CAMTA1: variants seen among roughly 807,000 people sequenced by gnomAD.
CAMTA1 encodes calmodulin-binding transcription activator 1.
CAMTA1 carries 27 observed loss-of-function variants against 170.9 expected under a neutral mutation model. That is an observed-to-expected ratio of 0.16 (90% CI 0.12 to 0.22). The LOEUF (loss-of-function observed/expected upper bound fraction) is 0.22, where lower values mean the gene tolerates loss of function less well. CAMTA1 is among the 10% of genes least tolerant of loss of function. CAMTA1 has a pLI of 1.00. For synonymous variants in CAMTA1, 833 were observed against 891.5 expected (o/e 0.93, Z 1.17); for missense variants, 1,619 against 2,217.2 (o/e 0.73, Z 5.42).
intron 3 of CAMTA1, among the ~76,000 whole-genome samples, chr1:7,008,135 G>A (rs868299234): frequency 1.3e-5 from 2 of 152,214 alleles, no homozygotes; most frequent in Non-Finnish European, 2.9e-5. Flanking sequence ...GGTCGTGGAA[G>A]GGAGGTGGAG....
At chr1:7,453,086 C>A (rs993368306) in intron 5 of CAMTA1, among the ~76,000 whole-genome samples, 2 of 152,248 alleles carry the variant, frequency 1.3e-5, no homozygotes, top group African/African-American at 4.8e-5. Flanking sequence ...AAAGCTGCTG[C>A]TGGGACAGGA....
At chr1:7,241,855 G>T (rs1664916582) in intron 4 of CAMTA1, among the ~76,000 whole-genome samples, 1 of 152,078 alleles carries the variant, frequency 6.6e-6, no homozygotes, top group South Asian at 2.1e-4. Flanking sequence ...AGATATAGAA[G>T]AAGACATAAG....
intron 11 of CAMTA1, among the ~76,000 whole-genome samples, chr1:7,718,388 A>G (rs1202950254): frequency 1.4e-4 from 22 of 152,204 alleles, no homozygotes; most frequent in Non-Finnish European, 1.5e-5. Context: ...TATTGTATCC[A>G]TACCTCCTGA....
chr1:7,296,138 C>T (rs1318925893), intron 5 of CAMTA1, among the ~76,000 whole-genome samples: 3 of 152,202 alleles, frequency 2.0e-5, no homozygotes, highest in Non-Finnish European at 2.9e-5. Context: ...AACAGGAAAG[C>T]TTGCTTCATC....
At chr1:7,560,483 G>A (rs1004762829) in intron 6 of CAMTA1, among the ~76,000 whole-genome samples, 2 of 152,176 alleles carry the variant, frequency 1.3e-5, no homozygotes, top group African/African-American at 4.8e-5. Context: ...TGTGAAATGA[G>A]CCATGTAGAA....
intron 6 of CAMTA1, among the ~76,000 whole-genome samples, chr1:7,537,197 T>C (rs1030403171): frequency 6.6e-6 from 1 of 152,202 alleles, no homozygotes; most frequent in Admixed American, 6.5e-5. Context: ...CCACGGTTTA[T>C]GGGGCGAAGC....
chr1:6,987,721 G>A (rs951337807), intron 3 of CAMTA1, among the ~76,000 whole-genome samples: 1 of 152,136 alleles, frequency 6.6e-6, no homozygotes, highest in African/African-American at 2.4e-5. Flanking sequence ...CGTTGCTATT[G>A]GATGCAATGT....
intron 1 of CAMTA1, among the ~76,000 whole-genome samples, chr1:6,804,176 CTTTTTT>C (rs889875577): frequency 3.4e-5 from 4 of 116,466 alleles, no homozygotes; most frequent in East Asian, 5.0e-4. Context: ...GAGCGAAACT[CTTTTTT>C]TTTTTTTTTT....
At chr1:7,498,728 C>T (rs990333246) in intron 6 of CAMTA1, among the ~76,000 whole-genome samples, 32 of 137,892 alleles carry the variant, frequency 2.3e-4, no homozygotes, top group African/African-American at 6.7e-4. Flanking sequence ...TACATGAGTG[C>T]ATGTGCAGAG....
chr1:6,899,560 A>G lies in CAMTA1; in HGVS notation c.234+74350A>G, dbSNP rs879917793. Among the ~76,000 whole-genome samples the G allele has an allele frequency of 3.5e-3, 412 of 117,612 alleles. 1 individual carries two copies. The highest frequency in any genetic ancestry group is 6.1e-3 in the South Asian group (25 of 4,072). 77.2% of individuals were successfully genotyped at this position (117,612 alleles called of 152,430 possible). On this transcript the variant is annotated intron_variant, in intron 3 of 22. Transcript: ENST00000303635. ...ATAACGCGCACGCGCGCGCGCACAC[A>G]CACACACACACACACACACACACAC...
At position 7,665,639 on chromosome 1, in the gene CAMTA1, CAA is replaced by C. The variant is rs919409135; in HGVS notation, c.2652+441_2652+442del. On this transcript the variant is annotated intron_variant, in intron 9 of 22. Transcript: ENST00000303635. This position sits in a 1 kb window ranked among gnomAD's most constrained non-coding sequence, Gnocchi z 4.3. The stretch of plus-strand genomic sequence containing the variant: ...CTGAGTCCGGAGGAGCACTTGAGCC[CAA>C]GAGGTTGAGGCTGCAGTGAGCTGTG... Among the ~76,000 whole-genome samples, 11 of 152,042 alleles carry C rather than the reference CAA, an allele frequency of 7.2e-5. No individual in the cohort carries two copies. The highest frequency in any genetic ancestry group is 1.0e-4 in the Non-Finnish European group (7 of 68,010).
intron 4 of CAMTA1, among the ~76,000 whole-genome samples, chr1:7,167,302 GGT>G (rs1558194844): frequency 6.6e-6 from 1 of 152,080 alleles, no homozygotes; most frequent in East Asian, 1.9e-4. Context: ...GTTGGAAAGA[GGT>G]GTCCCATGCA....
intron 6 of CAMTA1, among the ~76,000 whole-genome samples, chr1:7,556,228 G>C (rs940453033): frequency 7.2e-5 from 11 of 152,286 alleles, no homozygotes; most frequent in Non-Finnish European, 1.5e-4. Flanking sequence ...GCAGCTAGAT[G>C]GTGGCCCTTG....
intron 19 of CAMTA1, among the ~76,000 whole-genome samples, chr1:7,749,157 T>C (rs184356573): frequency 1.8e-4 from 28 of 152,362 alleles, no homozygotes; most frequent in African/African-American, 6.3e-4. Context: ...TAGGTAGTTA[T>C]AAATTTTTAT....
At chr1:7,138,187 A>G (rs1038835983) in intron 4 of CAMTA1, among the ~76,000 whole-genome samples, 4 of 152,008 alleles carry the variant, frequency 2.6e-5, no homozygotes, top group Middle Eastern at 3.2e-3. Flanking sequence ...GAGTCTCACT[A>G]TGTTGTCCAG....
intron 3 of CAMTA1, among the ~76,000 whole-genome samples, chr1:6,863,794 C>T (rs1441007863): frequency 6.6e-6 from 1 of 152,198 alleles, no homozygotes; most frequent in Non-Finnish European, 1.5e-5. Context: ...CTGAACTCTA[C>T]ACTTCATTCA....
At chr1:7,574,615 G>A (rs2095168036) in intron 6 of CAMTA1, among the ~76,000 whole-genome samples, 2 of 152,126 alleles carry the variant, frequency 1.3e-5, no homozygotes, top group African/African-American at 4.8e-5. Flanking sequence ...CAGAGAACAC[G>A]GGCTGTTTAT....
intron 3 of CAMTA1, among the ~76,000 whole-genome samples, chr1:6,935,137 C>T (rs951911566): frequency 1.3e-5 from 2 of 152,184 alleles, no homozygotes; most frequent in Admixed American, 1.3e-4. Flanking sequence ...GATGACAAAT[C>T]TCTCACGGCG....
rs140244323 is a variant in CAMTA1 at position 6,808,229 on chromosome 1, T to C, written c.46-11952T>C. Reference sequence around the variant, plus strand: ...TGCTCAGGAGAGGCTTTTAGAAGTTTTTTTTTTTTAGTAGAGGAATGGAAT... The same window carrying C: ...TGCTCAGGAGAGGCTTTTAGAAGTTCTTTTTTTTTAGTAGAGGAATGGAAT... On this transcript the variant is annotated intron_variant, in intron 1 of 22. Transcript: ENST00000303635. 5.7e-4 allele frequency among the ~76,000 whole-genome samples: 87 copies of C among 152,078 alleles called. 1 individual carries two copies. The highest frequency in any genetic ancestry group is 2.0e-3 in the African/African-American group (82 of 41,496).
Sources: gnomAD v4.1 joint callset for allele counts (sites outside exome capture counted in the v4.1 genomes callset) on GRCh38, gnomAD v4.1.1 for gene constraint, Gnocchi (gnomAD v3.1) non-coding constraint, MANE v1.5 for transcripts, NCBI Gene and HGNC (gene_info 2026-07-23, HGNC 2026-07-21) for gene names.